The following AKR1E2 variants were observed in gnomAD, a reference collection of about 807,000 sequenced individuals.
AKR1E2 encodes the protein aldo-keto reductase family 1 member E2, also known as 1,5-anhydro-D-fructose reductase.
AKR1E2 carries 43 observed loss-of-function variants against 41.9 expected under a neutral mutation model. That is an observed-to-expected ratio of 1.03 (90% CI 0.80 to 1.32). AKR1E2 has a LOEUF of 1.32. AKR1E2 is among the 40% of genes most tolerant of loss of function. The pLI, the probability that AKR1E2 is intolerant of heterozygous loss-of-function variation, is 0.00. For synonymous variants in AKR1E2, 121 were observed against 138.9 expected, an observed-to-expected ratio of 0.87 and a Z score of 0.91; for missense variants, 423 against 396.5, an observed-to-expected ratio of 1.07 and a Z score of -0.57.
the AKR1E2 span, among the ~76,000 whole-genome samples, chr10:4,866,639 G>GTTTTTTTTTTTT: frequency 2.1e-4 from 23 of 107,816 alleles, 1 homozygote; most frequent in East Asian, 9.5e-4. Context: ...TTTTGTTTTT[G>GTTTTTTTTTTTT]TTTTTGTTTT....
the AKR1E2 span, among the ~76,000 whole-genome samples, chr10:4,867,421 T>C: frequency 1.3e-5 from 2 of 152,220 alleles, no homozygotes; most frequent in African/African-American, 4.8e-5. Flanking sequence ...CTGTCACCAT[T>C]TTCTAATTGC....
At chr10:4,857,746 G>A in the AKR1E2 span, among the ~76,000 whole-genome samples, 1 of 152,062 alleles carries the variant, frequency 6.6e-6, no homozygotes, top group African/African-American at 2.4e-5. Flanking sequence ...GTGTTTCTAT[G>A]GATTTGTTCA....
chr10:4,845,622 G>A (rs1834277567), intron 8 of AKR1E2, among the ~76,000 whole-genome samples: 2 of 152,224 alleles, frequency 1.3e-5, no homozygotes, highest in South Asian at 4.1e-4. Context: ...AGGAGCCACC[G>A]AGTGAGCAGC....
At chr10:4,830,972 C>A in intron 2 of AKR1E2, 130 bp downstream of exon 2, 1 of 1,147,356 alleles carries the variant, frequency 8.7e-7, no homozygotes, top group Non-Finnish European at 1.2e-6. Flanking sequence ...ATATTCACAG[C>A]TTCATGAGCA....
At chr10:4,835,065 T>C (rs571063760) in intron 3 of AKR1E2, among the ~76,000 whole-genome samples, 1 of 152,362 alleles carries the variant, frequency 6.6e-6, no homozygotes. Flanking sequence ...AGGAGTGTGA[T>C]TAGGTGTCAT....
intron 1 of AKR1E2, among the ~76,000 whole-genome samples, chr10:4,827,621 A>T (rs1002530738): frequency 1.4e-4 from 22 of 152,266 alleles, no homozygotes; most frequent in Non-Finnish European, 8.8e-5. Flanking sequence ...AAAAAGCTAA[A>T]CTTAGTTGTT....
At chr10:4,851,106 C>T (rs1834518173), downstream of AKR1E2, among the ~76,000 whole-genome samples, 1 of 152,220 alleles carries the variant, frequency 6.6e-6, no homozygotes, top group Non-Finnish European at 1.5e-5. Flanking sequence ...GAGGCGATCA[C>T]AGAACAGTGA....
At chr10:4,842,747 G>A (rs1833989571) in intron 8 of AKR1E2, among the ~76,000 whole-genome samples, 1 of 152,208 alleles carries the variant, frequency 6.6e-6, no homozygotes, top group South Asian at 2.1e-4. Flanking sequence ...AGATTAGGAA[G>A]GAGGGAAGAG....
At chr10:4,851,088 C>T (rs753991380), downstream of AKR1E2, among the ~76,000 whole-genome samples, 5 of 152,320 alleles carry the variant, frequency 3.3e-5, no homozygotes, top group East Asian at 1.9e-4. Flanking sequence ...GGGAGAGGCA[C>T]GCATGTGGAG....
chr10:4,868,353 A>G, the AKR1E2 span, among the ~76,000 whole-genome samples: 1 of 152,158 alleles, frequency 6.6e-6, no homozygotes, highest in African/African-American at 2.4e-5. Flanking sequence ...TAAAGACTCT[A>G]CAGCTCTCCT....
intron 3 of AKR1E2, among the ~76,000 whole-genome samples, chr10:4,835,121 A>T (rs189453838): frequency 1.3e-3 from 192 of 152,352 alleles, no homozygotes; most frequent in South Asian, 0.011. Flanking sequence ...GCTACGTGGG[A>T]GTACATGAGG....
chr10:4,830,153 G>C (rs756917250), intron 1 of AKR1E2, among the ~76,000 whole-genome samples: 1 of 152,138 alleles, frequency 6.6e-6, no homozygotes, highest in Non-Finnish European at 1.5e-5. Context: ...GTCTTCCCTA[G>C]TTCTAGTCCC....
At chr10:4,869,258 C>G in the AKR1E2 span, among the ~76,000 whole-genome samples, 1 of 152,032 alleles carries the variant, frequency 6.6e-6, no homozygotes, top group Non-Finnish European at 1.5e-5. Context: ...GTTGTGGTAG[C>G]TTGGGTATTT....
the AKR1E2 span, among the ~76,000 whole-genome samples, chr10:4,856,387 G>A: frequency 6.6e-6 from 1 of 152,150 alleles, no homozygotes; most frequent in Non-Finnish European, 1.5e-5. Flanking sequence ...GTTTTTCTTA[G>A]AGCAAAAACC....
intron 5 of AKR1E2, among the ~76,000 whole-genome samples, 172 bp downstream of exon 5, chr10:4,837,753 T>C (rs1463540925): frequency 6.6e-6 from 1 of 152,246 alleles, no homozygotes; most frequent in Non-Finnish European, 1.5e-5. Context: ...AGTGGCTTTC[T>C]TGAAGGTGCA....
intron 3 of AKR1E2, among the ~76,000 whole-genome samples, chr10:4,835,000 A>G (rs1018427057): frequency 6.6e-6 from 1 of 152,208 alleles, no homozygotes; most frequent in African/African-American, 2.4e-5. Flanking sequence ...ATCATGGAAA[A>G]TGCCTCTTTC....
Position 4,841,810 on chromosome 10 carries a change from C to G in AKR1E2, c.706C>G (p.Pro236Ala), listed in dbSNP as rs763130186. Residue 236 changes from proline to alanine, a missense_variant, in exon 7 of 10, where the codon CCT becomes GCT. Transcript: ENST00000298375. ...TGAGGGGGTTGACCTGATAGACAACCCTGTGATCAAGAGGATTGCAAAGGA... is the reference window on the plus strand; with the variant it reads ...TGAGGGGGTTGACCTGATAGACAACGCTGTGATCAAGAGGATTGCAAAGGA... The part of the protein sequence containing the change: ...SCEGVDLIDN[P>A]VIKRIAKEHG... The G allele has an allele frequency of 2.5e-5, 40 of 1,612,772 alleles. No homozygotes were observed. Among genetic ancestry groups the G allele is most frequent in the Non-Finnish European group, 3.4e-5 (40 of 1,179,464 alleles).
intron 1 of AKR1E2, among the ~76,000 whole-genome samples, chr10:4,827,200 C>T (rs899282953): frequency 1.3e-5 from 2 of 152,076 alleles, no homozygotes; most frequent in Non-Finnish European, 2.9e-5. Context: ...GACATATAAT[C>T]GCTCTGTGCA....
At chr10:4,826,883 C>T (rs573059294) in intron 1 of AKR1E2, among the ~76,000 whole-genome samples, 1 of 152,090 alleles carries the variant, frequency 6.6e-6, no homozygotes, top group South Asian at 2.1e-4. Flanking sequence ...CAAGACCAGC[C>T]AGGTCAACAT....
Sources: allele counts gnomAD v4.1 joint callset (sites outside exome capture counted in the v4.1 genomes callset), GRCh38; gene constraint gnomAD v4.1.1; transcripts MANE v1.5; gene names NCBI Gene and HGNC (gene_info 2026-07-23, HGNC 2026-07-21).